Variants in TLL1 observed in about 807,000 individuals in gnomAD.
The protein encoded by TLL1 is tolloid like 1.
A neutral mutation model predicts 128.2 loss-of-function variants in TLL1; 49 were observed. The ratio of observed to expected loss-of-function variants is 0.38; its 90% CI spans 0.30 to 0.48. The LOEUF (loss-of-function observed/expected upper bound fraction) is 0.48, where lower values mean the gene tolerates loss of function less well. TLL1 is among the 20% of genes least tolerant of loss of function. TLL1 has a pLI of 0.96. For missense variants in TLL1, 1,123 were observed against 1,242.0 expected (o/e 0.90, Z 1.44); for synonymous variants, 454 against 418.8 (o/e 1.08, Z -1.03).
chr4:166,092,315 A>G (rs1168719805), intron 19 of TLL1, among the ~76,000 whole-genome samples: 1 of 152,072 alleles, frequency 6.6e-6, no homozygotes, highest in Non-Finnish European at 1.5e-5. Context: ...ATATTTTATT[A>G]TGAGCATTAG....
chr4:165,914,910 G>T (rs1017186278), intron 1 of TLL1, among the ~76,000 whole-genome samples: 3 of 152,150 alleles, frequency 2.0e-5, no homozygotes, highest in Non-Finnish European at 4.4e-5. Flanking sequence ...CATCAGATCG[G>T]TACTTCTACT....
chr4:165,881,340 C>T (rs1172368335), intron 1 of TLL1, among the ~76,000 whole-genome samples: 1 of 152,182 alleles, frequency 6.6e-6, no homozygotes, highest in African/African-American at 2.4e-5. Flanking sequence ...TTCACCATAT[C>T]CCCATCAATT....
chr4:165,886,795 T>G (rs1420888701), intron 1 of TLL1, among the ~76,000 whole-genome samples: 2 of 152,182 alleles, frequency 1.3e-5, no homozygotes, highest in Non-Finnish European at 2.9e-5. Flanking sequence ...ATTTTCCATC[T>G]GTAGTTGGTT....
At chr4:165,925,245 G>A (rs1733218008) in intron 1 of TLL1, among the ~76,000 whole-genome samples, 1 of 152,154 alleles carries the variant, frequency 6.6e-6, no homozygotes, top group Non-Finnish European at 1.5e-5. Context: ...TCTGAGCAAA[G>A]TAAATCGTAA....
At chr4:165,875,901 A>C (rs1730703553) in intron 1 of TLL1, among the ~76,000 whole-genome samples, 1 of 149,684 alleles carries the variant, frequency 6.7e-6, no homozygotes, top group African/African-American at 2.5e-5. Context: ...ATAAACATCT[A>C]GGCAAGGAAA....
Position 166,101,103 on chromosome 4 carries a change from G to A in TLL1, c.*227G>A. On this transcript the variant is annotated 3_prime_UTR_variant, in exon 21 of 21. Coordinates refer to ENST00000061240, the MANE Select transcript of TLL1 (RefSeq NM_012464.5). ...GCTTGATGGTATTAATAAAGCTGGT[G>A]AAAGGGCATCATATACTTCAAGGAA... 1.9e-6 allele frequency: 1 copy of A among 517,400 alleles called. No homozygotes were observed. Among genetic ancestry groups the A allele is most frequent in the Non-Finnish European group, 3.4e-6 (1 of 291,762 alleles). The allele number at this position is 517,400 out of a possible 1,614,324, so 32.1% of individuals were successfully genotyped here. A position where few individuals can be genotyped will look rare whatever the true frequency, so the allele number is the denominator to read the frequency against.
Position 166,104,128 on chromosome 4 carries a change from T to G in TLL1, c.*3252T>G, listed in dbSNP as rs1025370388. ...ATAGCTTGGTCTCTTTTATTTGGTTTGTAATACTGCTGTATTTTTGGTGGT... is the reference window on the plus strand; with the variant it reads ...ATAGCTTGGTCTCTTTTATTTGGTTGGTAATACTGCTGTATTTTTGGTGGT... On this transcript the variant is annotated 3_prime_UTR_variant, in exon 21 of 21. Transcript: ENST00000061240. 6.6e-6 allele frequency among the ~76,000 whole-genome samples: 1 copy of G among 152,006 alleles called. No homozygotes were observed.
rs560091307 is a variant in TLL1 at position 166,028,700 on chromosome 4, T to TA, written c.1158+3272dup. Among the ~76,000 whole-genome samples, 883 of 152,172 alleles carry TA rather than the reference T, an allele frequency of 5.8e-3. 4 individuals carry two copies. The highest frequency in any genetic ancestry group is 0.02 in the African/African-American group (843 of 41,580). On this transcript the variant is annotated intron_variant, in intron 9 of 20. Transcript: ENST00000061240. ...ACAACATTTTATCCCCCTGATGTAT[T>TA]AAACTATTATCACTGTATAATGAAT... is the stretch of plus-strand genomic sequence containing the variant.
chr4:165,884,336 T>C (rs989450737), intron 1 of TLL1, among the ~76,000 whole-genome samples: 7 of 152,206 alleles, frequency 4.6e-5, no homozygotes, highest in African/African-American at 1.7e-4. Context: ...TTTTGCTGGA[T>C]TTTTCTTTAC....
At chr4:165,978,326 T>G (rs1302790236) in intron 1 of TLL1, among the ~76,000 whole-genome samples, 1 of 151,926 alleles carries the variant, frequency 6.6e-6, no homozygotes, top group Non-Finnish European at 1.5e-5. Context: ...AATTCTTAGT[T>G]ATAAAATTAA....
At chr4:165,926,475 G>C (rs537117299) in intron 1 of TLL1, among the ~76,000 whole-genome samples, 1 of 152,258 alleles carries the variant, frequency 6.6e-6, no homozygotes, top group African/African-American at 2.4e-5. Flanking sequence ...ATCTTGTGGG[G>C]ACAGGAATTC....
intron 9 of TLL1, among the ~76,000 whole-genome samples, chr4:166,030,148 C>T (rs1216907521): frequency 6.6e-6 from 1 of 152,138 alleles, no homozygotes; most frequent in Non-Finnish European, 1.5e-5. Context: ...TCCTCACCAA[C>T]ACTTGTTATT....
intron 1 of TLL1, among the ~76,000 whole-genome samples, chr4:165,952,853 A>G (rs1166430177): frequency 6.6e-6 from 1 of 152,134 alleles, no homozygotes; most frequent in Non-Finnish European, 1.5e-5. Flanking sequence ...ATTATAATGG[A>G]CATAGCATCC....
At chr4:165,975,758 C>A (rs917795986) in intron 1 of TLL1, among the ~76,000 whole-genome samples, 1 of 151,984 alleles carries the variant, frequency 6.6e-6, no homozygotes, top group African/African-American at 2.4e-5. Flanking sequence ...TGTAAGATGA[C>A]CAGGCATGGT....
intron 1 of TLL1, among the ~76,000 whole-genome samples, chr4:165,975,716 A>G (rs1735844264): frequency 6.6e-6 from 1 of 152,074 alleles, no homozygotes. Flanking sequence ...AACCATAGTC[A>G]ATGGGAAACT....
In TLL1 at chr4:165,880,392, T is replaced by C. The variant is rs941209425; in HGVS notation, c.169+6319T>C. ...CAAGGTGGTGTTTATCTTACTCAGC[T>C]CTTCTCTTGCCACTTACATTTAGAG... On this transcript the variant is annotated intron_variant, in intron 1 of 20. Transcript: ENST00000061240. 3.9e-5 allele frequency among the ~76,000 whole-genome samples: 6 copies of C among 152,352 alleles called. No homozygotes were observed. The East Asian group carries it at 1.2e-3, about 29-fold the overall frequency.
chr4:166,008,365 A>G (rs1737534891), intron 7 of TLL1, among the ~76,000 whole-genome samples: 1 of 151,536 alleles, frequency 6.6e-6, no homozygotes, highest in African/African-American at 2.4e-5. Context: ...TACCAAACCA[A>G]TCAGCATGTT....
chr4:165,983,056 T>C lies in TLL1; in HGVS notation c.170-6325T>C, dbSNP rs578131284. ...TTTTAAAACTTCTGAACTACAATAA[T>C]TTATTTTCTTAAAGCTCAGGAGAGA... On this transcript the variant is annotated intron_variant, in intron 1 of 20. Transcript: ENST00000061240. 3.4e-3 allele frequency among the ~76,000 whole-genome samples: 513 copies of C among 152,002 alleles called. 3 individuals carry two copies. Among genetic ancestry groups the C allele is most frequent in the African/African-American group, 0.012 (492 of 41,546 alleles).
chr4:165,939,251 A>G (rs1241020806), intron 1 of TLL1, among the ~76,000 whole-genome samples: 2 of 152,116 alleles, frequency 1.3e-5, no homozygotes, highest in Non-Finnish European at 2.9e-5. Context: ...ATAGCCACCA[A>G]TGTCCTTCTT....
Sources: allele counts gnomAD v4.1 joint callset (sites outside exome capture counted in the v4.1 genomes callset), GRCh38; gene constraint gnomAD v4.1.1; transcripts MANE v1.5; gene names NCBI Gene and HGNC (gene_info 2026-07-23, HGNC 2026-07-21).